Variants in POM121 observed in about 807,000 individuals in gnomAD.
The protein encoded by POM121 is nuclear envelope pore membrane protein POM 121.
In POM121, 32 loss-of-function variants were observed where a neutral mutation model predicts 81.3. The observed-to-expected ratio is 0.39, with a 90% CI of 0.30 to 0.53. POM121 has a LOEUF of 0.53. Among genes scored for constraint, POM121 ranks in the 20% least tolerant of loss-of-function variants. POM121 has a pLI of 0.66. For synonymous variants in POM121, 514 were observed against 694.2 expected (o/e 0.74, Z 4.08); for missense variants, 1,138 against 1,614.6 (o/e 0.70, Z 5.06).
intron 3 of POM121, among the ~76,000 whole-genome samples, chr7:72,904,241 T>C (rs1248257703): frequency 6.6e-6 from 1 of 152,256 alleles, no homozygotes; most frequent in African/African-American, 2.4e-5. Flanking sequence ...GCATGGCTAC[T>C]GAAATTCCAT....
upstream of POM121, among the ~76,000 whole-genome samples, chr7:72,921,968 C>T (rs1794855367): frequency 6.6e-6 from 1 of 152,098 alleles, no homozygotes; most frequent in Non-Finnish European, 1.5e-5. Context: ...TTATTTTTTA[C>T]TAGATATTGC....
intron 5 of POM121, among the ~76,000 whole-genome samples, chr7:72,937,014 T>G (rs1266005717): frequency 1.3e-5 from 2 of 151,830 alleles, no homozygotes; most frequent in Admixed American, 6.6e-5. Flanking sequence ...CCCAGCACTT[T>G]TGGAGGCCAA....
intron 4 of POM121, among the ~76,000 whole-genome samples, chr7:72,928,875 C>A (rs181359674): frequency 6.6e-6 from 1 of 152,130 alleles, no homozygotes; most frequent in Non-Finnish European, 1.5e-5. Flanking sequence ...ACTTAGGATA[C>A]CTTAGGTACC....
chr7:72,949,790 C>T, downstream of POM121: 1 of 1,016,648 alleles, frequency 9.8e-7, no homozygotes, highest in East Asian at 2.4e-5. Context: ...CTTCATTACC[C>T]ACTGAAAGGC....
At position 72,905,689 on chromosome 7, in the gene POM121, G is replaced by T. The variant is rs549658181; in HGVS notation, c.-215-8076G>T. Reference sequence around the variant, plus strand: ...CACTCCAGCCTGGGCGACAGAGCGAGATTCCATCTCAAAAAAAAGATTTAT... The same window carrying T: ...CACTCCAGCCTGGGCGACAGAGCGATATTCCATCTCAAAAAAAAGATTTAT... On this transcript the variant is annotated intron_variant, in intron 3 of 15. Transcript: ENST00000395270. 4.6e-5 allele frequency among the ~76,000 whole-genome samples: 7 copies of T among 152,300 alleles called. No individual in the cohort carries two copies. In the South Asian group the frequency reaches 1.5e-3, roughly 32 times the overall value.
intron 1 of POM121, chr7:72,880,019 A>G (rs1291149503): frequency 2.7e-5 from 10 of 363,698 alleles, no homozygotes; most frequent in African/African-American, 8.7e-5. Flanking sequence ...TTTGAGGGCA[A>G]GGTCCGGCTG....
At chr7:72,926,006 A>G (rs1311164417) in intron 1 of POM121, among the ~76,000 whole-genome samples, 1 of 152,146 alleles carries the variant, frequency 6.6e-6, no homozygotes, top group Non-Finnish European at 1.5e-5. Flanking sequence ...ATTTTAGTGC[A>G]GCCTAGATGT....
At chr7:72,879,549 G>A in exon 1 of POM121, 1 of 268,244 alleles carries the variant, frequency 3.7e-6, no homozygotes, top group Non-Finnish European at 7.3e-6. Flanking sequence ...ACCCCCGAGC[G>A]TGAACCCCGG....
At chr7:72,941,728 A>G (rs1470321610) in intron 10 of POM121, 109 bp from the exon 11 acceptor site, 1 of 1,317,110 alleles carries the variant, frequency 7.6e-7, no homozygotes, top group African/African-American at 1.5e-5. Context: ...TTATTGACTG[A>G]CTCTTGGATC....
At chr7:72,900,876 A>C (rs1487111127) in intron 3 of POM121, among the ~76,000 whole-genome samples, 1 of 151,374 alleles carries the variant, frequency 6.6e-6, no homozygotes, top group East Asian at 1.9e-4. Flanking sequence ...TAGTTTCTTA[A>C]AATGGAAGCT....
chr7:72,929,536 C>G (rs545259488), intron 4 of POM121, among the ~76,000 whole-genome samples: 1 of 151,898 alleles, frequency 6.6e-6, no homozygotes, highest in African/African-American at 2.4e-5. Context: ...TAAAATAGAC[C>G]GTACTTGTTT....
At chr7:72,939,474 G>C in intron 7 of POM121, 65 bp downstream of exon 7, 1 of 1,587,940 alleles carries the variant, frequency 6.3e-7, no homozygotes, top group Non-Finnish European at 8.6e-7. Flanking sequence ...AGGATGTAGA[G>C]ATTAATACCT....
rs543838439 is a variant in POM121, at chr7:72,900,990, GT to G, written c.-216+9891del. On this transcript the variant is annotated intron_variant, in intron 3 of 15. Transcript: ENST00000395270. Reference sequence around the variant, plus strand: ...TTGGCTGCATCTCACAGAATTTGGCGTTTTTTTTTTTAAGAGATGGCATCTC... The same window carrying G: ...TTGGCTGCATCTCACAGAATTTGGCGTTTTTTTTTTAAGAGATGGCATCTC... 1.2e-3 allele frequency among the ~76,000 whole-genome samples: 168 copies of G among 141,932 alleles called. 1 individual carries two copies. The highest frequency in any genetic ancestry group is 6.5e-3 in the Admixed American group (91 of 14,102). The allele number at this position is 141,932 out of a possible 152,430, so 93.1% of individuals were successfully genotyped here.
rs192826054 is a variant in POM121 at position 72,903,844 on chromosome 7, C to G, written c.-215-9921C>G. On this transcript the variant is annotated intron_variant, in intron 3 of 15. Coordinates refer to the POM121 transcript ENST00000395270. ...TCACCTAGGCTTGAGTGCAGTGGCA[C>G]GATCTCGGCTCACTGCAGCCTCTGC... Among the ~76,000 whole-genome samples, 602 of 152,310 alleles carry G rather than the reference C, an allele frequency of 4.0e-3. 3 individuals are homozygous for G. Among genetic ancestry groups the G allele is most frequent in the African/African-American group, 0.013 (553 of 41,572 alleles).
chr7:72,928,534 A>G (rs1795699661), intron 4 of POM121, 69 bp downstream of exon 4: 12 of 1,545,732 alleles, frequency 7.8e-6, no homozygotes, highest in African/African-American at 2.7e-5. Flanking sequence ...CTGTTGCCCT[A>G]TAGATTTTCC....
chr7:72,926,558 A>G lies in POM121; in HGVS notation c.860+81A>G, dbSNP rs1207384464. The G allele has an allele frequency of 2.9e-5, 46 of 1,589,022 alleles. No individual in the cohort carries two copies. The Middle Eastern group carries it at 1.3e-3, about 44-fold the overall frequency. On this transcript the variant is annotated intron_variant, in intron 2 of 12. Transcript: ENST00000434423. Reference sequence around the variant, plus strand: ...CCAGTTGTTCCTATGACATGACTACAACGCAGAAAAGAAAGGACGAAGCTG... The same window carrying G: ...CCAGTTGTTCCTATGACATGACTACGACGCAGAAAAGAAAGGACGAAGCTG...
At chr7:72,893,618 T>C (rs1791535567) in intron 3 of POM121, among the ~76,000 whole-genome samples, 1 of 152,128 alleles carries the variant, frequency 6.6e-6, no homozygotes, top group African/African-American at 2.4e-5. Context: ...TTTACCGTCT[T>C]AACCATTTTT....
At chr7:72,917,250 G>C (rs1419353690) in intron 4 of POM121, among the ~76,000 whole-genome samples, 1 of 152,172 alleles carries the variant, frequency 6.6e-6, no homozygotes, top group African/African-American at 2.4e-5. Context: ...AGATTTCCTT[G>C]AATACTAGGA....
downstream of POM121, chr7:72,950,056 ACCC>A (rs1554504480): frequency 1.9e-6 from 3 of 1,559,752 alleles, no homozygotes; most frequent in Admixed American, 1.7e-5. Flanking sequence ...CCTCTTGCCT[ACCC>A]TGTCCTGCAG....
Sources: allele counts gnomAD v4.1 joint callset (sites outside exome capture counted in the v4.1 genomes callset), GRCh38; gene constraint gnomAD v4.1.1; transcripts MANE v1.5; gene names NCBI Gene and HGNC (gene_info 2026-07-23, HGNC 2026-07-21).